Variants in AHNAK observed in about 807,000 individuals in gnomAD.
AHNAK encodes the protein neuroblast differentiation-associated protein AHNAK.
A neutral mutation model predicts 37.8 loss-of-function variants in AHNAK; 23 were observed. The ratio of observed to expected loss-of-function variants is 0.61; its 90% CI spans 0.44 to 0.86. The LOEUF (loss-of-function observed/expected upper bound fraction) is 0.86, where lower values mean the gene tolerates loss of function less well. AHNAK is among the 40% of genes least tolerant of loss of function. The probability of loss-of-function intolerance (pLI) is 0.00; values close to 1 mark genes in which losing one functional copy is unlikely to be tolerated. For synonymous variants in AHNAK, 2,481 were observed against 2,636.3 expected (o/e 0.94, Z 1.80); for missense variants, 7,411 against 7,319.4 (o/e 1.01, Z -0.46).
intron 4 of AHNAK, among the ~76,000 whole-genome samples, chr11:62,494,873 GC>G (rs1232163988): frequency 6.6e-6 from 1 of 151,796 alleles, no homozygotes; most frequent in Non-Finnish European, 1.5e-5. Context: ...GATGGCGGGC[GC>G]CTGTAATCTC....
In AHNAK at chr11:62,531,784, G is replaced by C. The variant is rs1200599874; in HGVS notation, c.2633C>G (p.Pro878Arg). 1 of 1,613,468 alleles carries C rather than the reference G, an allele frequency of 6.2e-7. No individual in the cohort carries two copies. Among genetic ancestry groups the C allele is most frequent in the Admixed American group, 1.7e-5 (1 of 59,918 alleles). Residue 878 changes from proline (P) to arginine (R), a missense_variant, in exon 5 of 5, where the codon CCC (proline) becomes CGC (arginine). By Grantham distance (103) the Pro-to-Arg change is moderately radical. Coordinates refer to ENST00000378024, the MANE Select transcript of AHNAK (RefSeq NM_001620.3). ...VQGPDWHLKM[P>R]KMKMPKFSMP... is the part of the protein sequence containing the mutation. ...GCTGAACTTGGGCATTTTCATCTTG[G>C]GCATCTTCAGGTGCCAGTCTGGGCC...
intron 5 of AHNAK, among the ~76,000 whole-genome samples, chr11:62,473,084 CAAAAAAAAAAAA>C (rs71056522): frequency 1.0e-3 from 18 of 17,294 alleles, no homozygotes; most frequent in Admixed American, 3.4e-3. Context: ...GACTCCATCT[CAAAAAAAAAAAA>C]AAAAAAAAAA....
At chr11:62,497,690 G>T (rs1939634990) in intron 4 of AHNAK, among the ~76,000 whole-genome samples, 1 of 152,248 alleles carries the variant, frequency 6.6e-6, no homozygotes, top group Non-Finnish European at 1.5e-5. Flanking sequence ...GCCAGGCGCG[G>T]TGGTTCACAC....
chr11:62,443,939 T>A (rs893180489), intron 5 of AHNAK, among the ~76,000 whole-genome samples: 21 of 152,316 alleles, frequency 1.4e-4, no homozygotes, highest in East Asian at 5.8e-4. Flanking sequence ...AGTAGAAATG[T>A]CACCCCAGGG....
rs1940191257 is a variant in AHNAK, at chr11:62,520,369, A to C, written c.14048T>G (p.Val4683Gly). Reference protein sequence around the residue: ...DVNLPKADIDVSGPKVDVDVP... With the variant: ...DVNLPKADIDGSGPKVDVDVP... Reference sequence around the variant, plus strand: ...ATCAACGTCCACTTTGGGTCCTGAGACATCAATGTCAGCCTTGGGCAGGTT... The same window carrying C: ...ATCAACGTCCACTTTGGGTCCTGAGCCATCAATGTCAGCCTTGGGCAGGTT... The change falls in exon 5 of 5, where the codon GTC becomes GGC. Residue 4683 changes from valine (V) to glycine (G), a missense_variant. Val to Gly is a moderately radical substitution (Grantham distance 109, BLOSUM62 -3). Coordinates refer to ENST00000378024, the MANE Select transcript of AHNAK (RefSeq NM_001620.3). 1.9e-6 allele frequency: 3 copies of C among 1,612,696 alleles called. No homozygotes were observed. Among genetic ancestry groups the C allele is most frequent in the Non-Finnish European group, 2.5e-6 (3 of 1,179,750 alleles).
At position 62,522,482 on chromosome 11, in the gene AHNAK, C is replaced by T. The variant is rs1428682224; in HGVS notation, c.11935G>A (p.Gly3979Ser). The T allele has an allele frequency of 9.3e-6, 15 of 1,613,216 alleles. No individual in the cohort carries two copies. The highest frequency in any genetic ancestry group is 1.3e-5 in the Non-Finnish European group (15 of 1,179,878). Residue 3979 changes from glycine to serine, a missense_variant, in exon 5 of 5, where the codon GGT becomes AGT. Physicochemically the swap from Gly to Ser is moderately conservative, Grantham distance 56. Coordinates refer to ENST00000378024, the MANE Select transcript of AHNAK (RefSeq NM_001620.3). ...GGGCCCTTCAGTTTCGCATCTGGAC[C>T]TTCAATATTCACATCTGGAACATCA... is the stretch of plus-strand genomic sequence containing the variant. Reference protein sequence around the residue: ...DVDVPDVNIEGPDAKLKGPKF... With the variant: ...DVDVPDVNIESPDAKLKGPKF...
intron 4 of AHNAK, among the ~76,000 whole-genome samples, chr11:62,498,610 A>G (rs1939657252): frequency 1.3e-5 from 2 of 151,484 alleles, no homozygotes; most frequent in Non-Finnish European, 2.9e-5. Context: ...AAAAAAAAAA[A>G]AAAAGAAATT....
chr11:62,517,980 A>T lies in AHNAK; in HGVS notation c.16437T>A (p.Gly5479=). ...GGCCTTGAACACCAATGCCTGGAAG[A>T]CCTCCTCCGACAGTGGGGCCTTTGA... is the stretch of plus-strand genomic sequence containing the variant. ...GEIKGPTVGG[G]LPGIGVQGLE... The change falls in exon 5 of 5, where the codon GGT becomes GGA. Residue 5479 remains glycine (G), a synonymous_variant. Transcript: ENST00000378024. 6.2e-7 allele frequency: 1 copy of T among 1,614,028 alleles called. No homozygotes were observed. Among genetic ancestry groups the T allele is most frequent in the African/African-American group, 1.3e-5 (1 of 74,986 alleles).
In AHNAK at chr11:62,520,424, A is replaced by C; in HGVS notation, c.13993T>G (p.Phe4665Val). 6.2e-7 allele frequency: 1 copy of C among 1,613,636 alleles called. No homozygotes were observed. The highest frequency in any genetic ancestry group is 1.1e-5 in the South Asian group (1 of 91,048). The change falls in exon 5 of 5, where the codon TTC (phenylalanine) becomes GTC (valine). Residue 4665 changes from phenylalanine (F) to valine (V), a missense_variant. Transcript: ENST00000378024. ...VKMPKFSMPG[F>V]KGEGPDVDVN... is the part of the protein sequence containing the mutation. ...TCCACATCTGGGCCCTCTCCTTTGA[A>C]GCCAGGCATGCTGAACTTGGGCATT... is the stretch of plus-strand genomic sequence containing the variant.
intron 5 of AHNAK, among the ~76,000 whole-genome samples, chr11:62,445,947 C>T (rs1257425550): frequency 4.9e-5 from 7 of 143,590 alleles, no homozygotes; most frequent in Admixed American, 3.6e-4. Flanking sequence ...ACCCAGGAGG[C>T]GGAGGTTGCA....
Position 62,524,850 on chromosome 11 carries a change from A to G in AHNAK, c.9567T>C (p.Asp3189=). Residue 3189 remains aspartate, a synonymous_variant, in exon 5 of 5, where the codon GAT becomes GAC. Coordinates refer to ENST00000378024, the MANE Select transcript of AHNAK (RefSeq NM_001620.3). ...GACCTTCAATATTCACATCTGGAACATCAACGTCCACCTTGGGTCCTGAGA... is the reference window on the plus strand; with the variant it reads ...GACCTTCAATATTCACATCTGGAACGTCAACGTCCACCTTGGGTCCTGAGA... ...LDVSGPKVDV[D]VPDVNIEGPD... The G allele has an allele frequency of 6.2e-7, 1 of 1,614,132 alleles. No homozygotes were observed. The highest frequency in any genetic ancestry group is 8.5e-7 in the Non-Finnish European group (1 of 1,180,024).
At chr11:62,454,160 T>C (rs1460751509) in intron 5 of AHNAK, among the ~76,000 whole-genome samples, 1 of 149,492 alleles carries the variant, frequency 6.7e-6, no homozygotes, top group African/African-American at 2.5e-5. Flanking sequence ...ATGCCTATAA[T>C]CCCAGCACTT....
In AHNAK at chr11:62,529,257, GA is replaced by G; in HGVS notation, c.5159del (p.Phe1720SerfsTer15). 1 of 1,614,158 alleles carries G rather than the reference GA, an allele frequency of 6.2e-7. No homozygotes were observed. On this transcript the variant is annotated frameshift_variant, in exon 5 of 5. Transcript: ENST00000378024. LOFTEE classifies it low-confidence loss of function (END_TRUNC). Reference sequence around the variant, plus strand: ...CCTCTGCTTTGAAGCCAGGCATACTGAACTTGGGCATTTTCATCTTGGGCAT... The same window carrying G: ...CCTCTGCTTTGAAGCCAGGCATACTGACTTGGGCATTTTCATCTTGGGCAT... ...LKMPKMKMPK[F>X]SMPGFKAEGP...
intron 4 of AHNAK, among the ~76,000 whole-genome samples, chr11:62,498,616 A>G (rs956154628): frequency 6.6e-6 from 1 of 150,592 alleles, no homozygotes; most frequent in African/African-American, 2.4e-5. Flanking sequence ...AAAAAAAAAG[A>G]AATTTTTTTT....
chr11:62,486,715 T>C (rs1390442357), intron 5 of AHNAK, among the ~76,000 whole-genome samples: 1 of 150,868 alleles, frequency 6.6e-6, no homozygotes, highest in African/African-American at 2.4e-5. Flanking sequence ...CACCTAAAAA[T>C]GGTTAAAATG....
chr11:62,476,361 C>T (rs1175436382), intron 5 of AHNAK, among the ~76,000 whole-genome samples: 1 of 152,194 alleles, frequency 6.6e-6, no homozygotes, highest in Non-Finnish European at 1.5e-5. Flanking sequence ...TGCTCTCCAC[C>T]CTGCCTGGGC....
rs778181542 is a variant in AHNAK, at chr11:62,530,692, T to C, written c.3725A>G (p.Asp1242Gly). The change falls in exon 5 of 5, where the codon GAT (aspartate) becomes GGT (glycine). Residue 1242 changes from aspartate to glycine, a missense_variant. Transcript: ENST00000378024. ...CCAGTCTGGGCCTTGAACCTCCACA[T>C]CTGGGGCATCAATGTCCATTTTGGG... ...KGPKMDIDAP[D>G]VEVQGPDWHL... 1.2e-6 allele frequency: 2 copies of C among 1,613,614 alleles called. No homozygotes were observed. The highest frequency in any genetic ancestry group is 1.7e-6 in the Non-Finnish European group (2 of 1,179,982).
Position 62,522,256 on chromosome 11 carries a change from G to T in AHNAK, c.12161C>A (p.Pro4054Gln), listed in dbSNP as rs1049153869. The change falls in exon 5 of 5, where the codon CCA becomes CAA. Residue 4054 changes from proline to glutamine, a missense_variant. Pro to Gln is a moderately conservative substitution (Grantham distance 76, BLOSUM62 -1). Coordinates refer to ENST00000378024, the MANE Select transcript of AHNAK (RefSeq NM_001620.3). ...CTTGGGCATCTTCAGGTGCCAGTCT[G>T]GGCCATGAACATCCACATCTGGGGC... is the stretch of plus-strand genomic sequence containing the variant. Reference protein sequence around the residue: ...IDAPDVDVHGPDWHLKMPKVK... With the variant: ...IDAPDVDVHGQDWHLKMPKVK... 4 of 1,613,126 alleles carry T rather than the reference G, an allele frequency of 2.5e-6. No individual in the cohort carries two copies. Among genetic ancestry groups the T allele is most frequent in the Admixed American group, 3.3e-5 (2 of 59,856 alleles).
chr11:62,527,366 G>A lies in AHNAK; in HGVS notation c.7051C>T (p.Pro2351Ser), dbSNP rs762542453. ...TCTGGCATGTCAGCATCTAATTTGG[G>A]ACCTTTGACATCCAATTCTGGACCT... is the stretch of plus-strand genomic sequence containing the variant. ...LKGPELDVKG[P>S]KLDADMPEVA... The change falls in exon 5 of 5, where the codon CCC (proline) becomes TCC (serine). Residue 2351 changes from proline (P) to serine (S), a missense_variant. By Grantham distance (74) the Pro-to-Ser change is moderately conservative (BLOSUM62 -1). Transcript: ENST00000378024. 5.6e-6 allele frequency: 9 copies of A among 1,613,976 alleles called. No individual in the cohort carries two copies. The East Asian group carries it at 1.8e-4, about 32-fold the overall frequency.
Sources: allele counts gnomAD v4.1 joint callset (sites outside exome capture counted in the v4.1 genomes callset), GRCh38; gene constraint gnomAD v4.1.1; transcripts MANE v1.5; gene names NCBI Gene and HGNC (gene_info 2026-07-23, HGNC 2026-07-21).